Variants in SOX6 observed in about 807,000 individuals in gnomAD.
SOX6 encodes transcription factor SOX-6.
In SOX6, 11 loss-of-function variants were observed where a neutral mutation model predicts 97.8. The ratio of observed to expected loss-of-function variants is 0.11; its 90% confidence interval spans 0.07 to 0.19. The LOEUF (loss-of-function observed/expected upper bound fraction) is 0.19. Among genes scored for constraint, SOX6 ranks in the 10% least tolerant of loss-of-function variants. SOX6 has a pLI of 1.00. For missense variants in SOX6, 810 were observed against 1,039.5 expected (o/e 0.78, Z 3.04); for synonymous variants, 360 against 371.4 (o/e 0.97, Z 0.35).
intron 3 of SOX6, among the ~76,000 whole-genome samples, chr11:16,251,777 C>T (rs976060236): frequency 4.6e-5 from 7 of 152,100 alleles, no homozygotes; most frequent in East Asian, 3.9e-4. Context: ...CCAGAATCTC[C>T]GTCATAATCA....
chr11:16,261,407 C>T (rs913546517), intron 3 of SOX6, among the ~76,000 whole-genome samples: 10 of 151,890 alleles, frequency 6.6e-5, no homozygotes, highest in African/African-American at 2.4e-4. Flanking sequence ...TTTTTTTCTG[C>T]CATAGACTTC....
intron 6 of SOX6, among the ~76,000 whole-genome samples, chr11:16,136,789 T>C (rs1288743159): frequency 6.6e-6 from 1 of 152,180 alleles, no homozygotes; most frequent in Non-Finnish European, 1.5e-5. Context: ...ACTCATTTTA[T>C]TATGAAATCC....
intron 1 of SOX6, among the ~76,000 whole-genome samples, chr11:16,426,432 C>T (rs1859134206): frequency 6.6e-6 from 1 of 151,720 alleles, no homozygotes; most frequent in South Asian, 2.1e-4. Context: ...GTAACCAAAA[C>T]AGCATGGTAC....
chr11:16,199,133 G>T (rs1262135197), intron 4 of SOX6, among the ~76,000 whole-genome samples: 4 of 152,098 alleles, frequency 2.6e-5, no homozygotes, highest in Non-Finnish European at 5.9e-5. Context: ...AAACCAGAAA[G>T]AATTGCTTTG....
At chr11:16,640,239 C>A (rs1206308182) in intron 3 of SOX6, among the ~76,000 whole-genome samples, 3 of 152,108 alleles carry the variant, frequency 2.0e-5, no homozygotes, top group Non-Finnish European at 4.4e-5. Flanking sequence ...TTGAACCAGC[C>A]TTGCATCCCA....
chr11:16,492,689 C>A (rs1309135509), intron 4 of SOX6, among the ~76,000 whole-genome samples: 2 of 152,152 alleles, frequency 1.3e-5, no homozygotes, highest in African/African-American at 4.8e-5. Flanking sequence ...GTACCCTAGT[C>A]CTCATCAAAA....
chr11:16,138,947 T>C (rs1850052769), intron 6 of SOX6, among the ~76,000 whole-genome samples: 2 of 152,192 alleles, frequency 1.3e-5, no homozygotes, highest in East Asian at 1.9e-4. Context: ...ATCCAGTCTA[T>C]CATTTTTGGA....
At chr11:16,663,685 T>TA (rs1847783648) in intron 3 of SOX6, among the ~76,000 whole-genome samples, 1 of 152,190 alleles carries the variant, frequency 6.6e-6, no homozygotes, top group Admixed American at 6.5e-5. Flanking sequence ...GATCACAAGA[T>TA]ACAAGGTTAA....
At chr11:16,244,352 T>C (rs994148273) in intron 3 of SOX6, among the ~76,000 whole-genome samples, 9 of 151,844 alleles carry the variant, frequency 5.9e-5, no homozygotes, top group African/African-American at 1.7e-4. Context: ...GTCTCTCAAA[T>C]ATATGTAATG....
At chr11:16,423,210 G>A (rs900668973) in intron 1 of SOX6, among the ~76,000 whole-genome samples, 2 of 152,000 alleles carry the variant, frequency 1.3e-5, no homozygotes, top group Non-Finnish European at 2.9e-5. Flanking sequence ...CACTCTTCAA[G>A]GCCTTTCTAT....
intron 1 of SOX6, among the ~76,000 whole-genome samples, chr11:16,362,690 T>C (rs1857239778): frequency 6.6e-6 from 1 of 152,008 alleles, no homozygotes; most frequent in Admixed American, 6.6e-5. Context: ...GAGAAGCCCA[T>C]CTAGAATCTG....
intron 7 of SOX6, among the ~76,000 whole-genome samples, chr11:16,106,510 TGTG>T (rs1322590121): frequency 6.6e-6 from 1 of 151,948 alleles, no homozygotes; most frequent in Non-Finnish European, 1.5e-5. Context: ...CAACAAATGT[TGTG>T]GGGAAAACTG....
chr11:16,090,634 C>T (rs11023843), intron 9 of SOX6, among the ~76,000 whole-genome samples: 10,465 of 150,822 alleles, frequency 0.069, 405 homozygotes, highest in Non-Finnish European at 0.096. Context: ...AAATATTTTC[C>T]GGAAAAAAAA....
chr11:16,594,137 T>G (rs1848183854), intron 4 of SOX6, among the ~76,000 whole-genome samples: 1 of 152,178 alleles, frequency 6.6e-6, no homozygotes, highest in African/African-American at 2.4e-5. Flanking sequence ...TCTTTCCCTG[T>G]CATGCCCTAC....
chr11:16,160,571 C>A (rs1850722135), intron 6 of SOX6, among the ~76,000 whole-genome samples: 2 of 152,084 alleles, frequency 1.3e-5, no homozygotes, highest in South Asian at 2.1e-4. Flanking sequence ...TGGTTTTTAA[C>A]ATGAAGGTGA....
At chr11:16,521,257 C>T (rs534620250) in intron 4 of SOX6, among the ~76,000 whole-genome samples, 11 of 152,248 alleles carry the variant, frequency 7.2e-5, no homozygotes, top group South Asian at 6.2e-4. Flanking sequence ...ACACCTCACA[C>T]GGCCGGGTAC....
intron 1 of SOX6, among the ~76,000 whole-genome samples, chr11:16,472,201 T>C (rs910714611): frequency 1.3e-5 from 2 of 152,244 alleles, no homozygotes; most frequent in Non-Finnish European, 2.9e-5. Context: ...GAAGGCCATC[T>C]TGGTTTGAAA....
At position 15,969,626 on chromosome 11, in the gene SOX6, T is replaced by C. The variant is rs1427667516; in HGVS notation, c.*3183A>G. On this transcript the variant is annotated 3_prime_UTR_variant, in exon 16 of 16. Coordinates refer to ENST00000683767, the MANE Select transcript of SOX6 (RefSeq NM_001367873.1). Reference sequence around the variant, plus strand: ...TTCAGTTTGGACCAACATCTATGGATAGAGAACAAAAAGGAAATACATAAC... The same window carrying C: ...TTCAGTTTGGACCAACATCTATGGACAGAGAACAAAAAGGAAATACATAAC... 1 of 151,992 alleles carries C rather than the reference T, an allele frequency of 6.6e-6. No individual in the cohort carries two copies. The highest frequency in any genetic ancestry group is 1.9e-4 in the East Asian group (1 of 5,182). 9.4% of individuals were successfully genotyped at this position (151,992 alleles called of 1,614,324 possible).
chr11:16,655,217 A>T (rs1436288234), intron 3 of SOX6, among the ~76,000 whole-genome samples: 2 of 151,896 alleles, frequency 1.3e-5, no homozygotes, highest in Non-Finnish European at 2.9e-5. Flanking sequence ...GAAAGGACTG[A>T]CGTTTGGTTC....
Sources: allele counts gnomAD v4.1 joint callset (sites outside exome capture counted in the v4.1 genomes callset), GRCh38; gene constraint gnomAD v4.1.1; transcripts MANE v1.5; gene names NCBI Gene and HGNC (gene_info 2026-07-23, HGNC 2026-07-21).